NCOR2: variants seen among roughly 807,000 people sequenced by gnomAD.
NCOR2 encodes the protein CTG repeat protein 26.
NCOR2 carries 81 observed loss-of-function variants against 262.9 expected under a neutral mutation model. The observed-to-expected ratio is 0.31, with a 90% confidence interval of 0.26 to 0.37. NCOR2 has a LOEUF of 0.37. Among genes scored for constraint, NCOR2 ranks in the 10% least tolerant of loss-of-function variants. The pLI is 1.00. For missense variants in NCOR2, 3,385 were observed against 3,621.4 expected (o/e 0.93, Z 1.68); for synonymous variants, 1,659 against 1,559.3 (o/e 1.06, Z -1.51).
At chr12:124,540,247 C>A (rs2051250262), upstream of NCOR2, among the ~76,000 whole-genome samples, 1 of 150,080 alleles carries the variant, frequency 6.7e-6, no homozygotes. Flanking sequence ...CAGGGAGGGC[C>A]CCCTGCAGGA....
At chr12:124,501,606 C>T (rs1254101562) in intron 1 of NCOR2, among the ~76,000 whole-genome samples, 4 of 152,172 alleles carry the variant, frequency 2.6e-5, no homozygotes, top group Non-Finnish European at 5.9e-5. Context: ...TATCTCCACG[C>T]AGCCTTTCCA....
chr12:124,452,364 A>G (rs1008352046), intron 6 of NCOR2, among the ~76,000 whole-genome samples: 1 of 152,188 alleles, frequency 6.6e-6, no homozygotes, highest in African/African-American at 2.4e-5. Flanking sequence ...AGCGGACATC[A>G]CTTAAAGGTT....
chr12:124,398,028 G>A, intron 16 of NCOR2, 91 bp downstream of exon 18: 1 of 1,497,630 alleles, frequency 6.7e-7, no homozygotes, highest in Non-Finnish European at 9.3e-7. Context: ...CCTGGCTCAA[G>A]GCCAAATGTG....
At chr12:124,357,023 G>A (rs569577994) in intron 22 of NCOR2, among the ~76,000 whole-genome samples, 3 of 152,334 alleles carry the variant, frequency 2.0e-5, no homozygotes, top group Admixed American at 6.5e-5. Flanking sequence ...CTCAGCTGCC[G>A]CTGAGGACGA....
rs771397480 is a variant in NCOR2 at position 124,466,163 on chromosome 12, G to A, written c.705+10C>T. On this transcript the variant is annotated intron_variant, in intron 5 of 46. Transcript: ENST00000405201. ...ACCGGGGGGCAGCAGGCCAGGGCGG[G>A]GACACATACCCGGTTCTCGTCGTAG... The A allele has an allele frequency of 1.2e-6, 2 of 1,603,982 alleles. No homozygotes were observed. The highest frequency in any genetic ancestry group is 1.7e-5 in the Admixed American group (1 of 59,240).
rs777628897 is a variant in NCOR2 at position 124,508,390 on chromosome 12, C to T, written c.-117-13022G>A. On this transcript the variant is annotated intron_variant, in intron 1 of 46. Transcript: ENST00000404621. ...CTCAGACAGTAAACAAATGCTTCAGCGCCCAGGAGTGGCGACGGCTGAAGC... is the reference window on the plus strand; with the variant it reads ...CTCAGACAGTAAACAAATGCTTCAGTGCCCAGGAGTGGCGACGGCTGAAGC... Among the ~76,000 whole-genome samples, 185 of 152,244 alleles carry T rather than the reference C, an allele frequency of 1.2e-3. 5 individuals are homozygous for T. Among genetic ancestry groups the T allele is most frequent in the Non-Finnish European group, 2.5e-4 (17 of 68,042 alleles).
At chr12:124,364,008 G>C (rs559895723) in intron 20 of NCOR2, among the ~76,000 whole-genome samples, 1 of 152,194 alleles carries the variant, frequency 6.6e-6, no homozygotes, top group Admixed American at 6.5e-5. Flanking sequence ...GGGGAGGGGA[G>C]GCACGAGTGG....
chr12:124,382,381 G>A (rs560124307), intron 17 of NCOR2, among the ~76,000 whole-genome samples: 44 of 152,224 alleles, frequency 2.9e-4, no homozygotes, highest in African/African-American at 1.0e-3. Flanking sequence ...CTTCAAGGTC[G>A]GCCAGGAGCG....
Position 124,404,061 on chromosome 12 carries a change from G to A in NCOR2, c.1483-1500C>T, listed in dbSNP as rs1048384604. Among the ~76,000 whole-genome samples the A allele has an allele frequency of 4.6e-5, 7 of 152,208 alleles. No individual in the cohort carries two copies. In the East Asian group the frequency reaches 5.8e-4, roughly 13 times the overall value. On this transcript the variant is annotated intron_variant, in intron 13 of 46. Transcript: ENST00000405201. ...AACCTGTTCTCCCTCTCCTGACCTC[G>A]AACCCTCAAACGTAACGTTTAAACA...
chr12:124,369,090 G>C (rs2039272328), intron 20 of NCOR2, among the ~76,000 whole-genome samples: 1 of 152,204 alleles, frequency 6.6e-6, no homozygotes, highest in African/African-American at 2.4e-5. Flanking sequence ...AGTTATTCTT[G>C]CAATAAGCCA....
rs945086546 is a variant in NCOR2 at position 124,519,348 on chromosome 12, G to C, written c.-118+16217C>G. Among the ~76,000 whole-genome samples the C allele has an allele frequency of 2.6e-5, 4 of 152,110 alleles. No individual in the cohort carries two copies. The South Asian group carries it at 8.3e-4, about 32-fold the overall frequency. Reference sequence around the variant, plus strand: ...CAGGAGGCAGAGGAGGCTCCACCAGGGTCTCCAGATTCACTTCCCTGCCCC... The same window carrying C: ...CAGGAGGCAGAGGAGGCTCCACCAGCGTCTCCAGATTCACTTCCCTGCCCC... On this transcript the variant is annotated intron_variant, in intron 1 of 46. Transcript: ENST00000404621.
intron 1 of NCOR2, among the ~76,000 whole-genome samples, chr12:124,521,486 T>C (rs934219154): frequency 4.6e-5 from 7 of 152,214 alleles, no homozygotes; most frequent in East Asian, 1.9e-4. Flanking sequence ...CTCAAACACA[T>C]TGTGCGGAGT....
chr12:124,409,036 C>A (rs1159141713), intron 13 of NCOR2, among the ~76,000 whole-genome samples: 1 of 152,308 alleles, frequency 6.6e-6, no homozygotes, highest in East Asian at 1.9e-4. Context: ...CGCAGCTTCC[C>A]CCTACAGAAA....
intron 1 of NCOR2, among the ~76,000 whole-genome samples, chr12:124,544,184 G>A (rs1051829911): frequency 2.0e-5 from 3 of 152,194 alleles, no homozygotes. Context: ...ACCTCTCTAT[G>A]CCCCGCAGTG....
At chr12:124,420,107 G>C (rs778164131) in intron 12 of NCOR2, 52 bp from the exon 15 acceptor site, 1 of 1,500,088 alleles carries the variant, frequency 6.7e-7, no homozygotes. Flanking sequence ...AGGCATTCAG[G>C]GCAGGAGCCA....
chr12:124,402,908 T>C (rs1023578664), intron 13 of NCOR2, among the ~76,000 whole-genome samples: 1 of 152,146 alleles, frequency 6.6e-6, no homozygotes, highest in South Asian at 2.1e-4. Context: ...TCCTTCGCCT[T>C]GACAATGGGG....
intron 40 of NCOR2, 62 bp from the exon 43 acceptor site, chr12:124,334,679 TGGGGA>T: frequency 7.4e-6 from 3 of 404,802 alleles, no homozygotes; most frequent in Non-Finnish European, 1.2e-5. Context: ...CTTCTGGGGG[TGGGGA>T]GGGGCTAGAC....
At chr12:124,331,467 T>C (rs73223563) in intron 43 of NCOR2, 9,549 of 155,660 alleles carry the variant, frequency 0.061, 402 homozygotes, top group Non-Finnish European at 0.087. Context: ...GAGATTTTTT[T>C]TTTTTTTAAG....
intron 11 of NCOR2, among the ~76,000 whole-genome samples, chr12:124,423,213 G>A (rs2043323174): frequency 1.3e-5 from 2 of 152,210 alleles, no homozygotes; most frequent in African/African-American, 4.8e-5. Context: ...AAAGGAGCGG[G>A]AGCATGGTGG....
Sources: gnomAD v4.1 joint callset for allele counts (sites outside exome capture counted in the v4.1 genomes callset) on GRCh38, gnomAD v4.1.1 for gene constraint, MANE v1.5 for transcripts, NCBI Gene and HGNC (gene_info 2026-07-23, HGNC 2026-07-21) for gene names.